Variants in PSEN2 observed in about 807,000 individuals in gnomAD.
PSEN2 encodes the protein presenilin-2.
PSEN2 carries 32 observed loss-of-function variants against 49.1 expected under a neutral mutation model. That is an observed-to-expected ratio of 0.65 (90% CI 0.49 to 0.88). The LOEUF (loss-of-function observed/expected upper bound fraction) is 0.88, where lower values mean the gene tolerates loss of function less well. Ranked by LOEUF, PSEN2 falls within the 40% of genes least tolerant of loss-of-function variation. The probability of loss-of-function intolerance (pLI) is 0.00; values close to 1 mark genes in which losing one functional copy is unlikely to be tolerated. For missense variants in PSEN2, 522 were observed against 586.9 expected (o/e 0.89, Z 1.14); for synonymous variants, 255 against 244.0 (o/e 1.05, Z -0.42).
rs1661537968 is a variant in PSEN2, at chr1:226,888,769, A to G, written c.567-60A>G. On this transcript the variant is annotated intron_variant, in intron 7 of 12. Coordinates refer to ENST00000366783, the MANE Select transcript of PSEN2 (RefSeq NM_000447.3). ...CCAGGTTGGGACTGAATGGTGGTAA[A>G]CTGCTAGGCTGTAATGCCTCCACTG... 4 of 1,460,004 alleles carry G rather than the reference A, an allele frequency of 2.7e-6. No individual in the cohort carries two copies. In the South Asian group the frequency reaches 3.4e-5, roughly 12 times the overall value. The allele number at this position is 1,460,004 out of a possible 1,614,324, so 90.4% of individuals were successfully genotyped here. A position where few individuals can be genotyped will look rare whatever the true frequency, so the allele number is the denominator to read the frequency against.
At chr1:226,892,477 G>A (rs1200440417) in intron 11 of PSEN2, among the ~76,000 whole-genome samples, 1 of 152,190 alleles carries the variant, frequency 6.6e-6, no homozygotes, top group Non-Finnish European at 1.5e-5. Context: ...CCCAATGCCA[G>A]CCCACTGCTG....
At chr1:226,881,597 T>C (rs960608733) in intron 3 of PSEN2, among the ~76,000 whole-genome samples, 2 of 152,226 alleles carry the variant, frequency 1.3e-5, no homozygotes, top group African/African-American at 4.8e-5. Context: ...GCTGATTGAA[T>C]GAATGAGCAC....
chr1:226,891,110 T>A, intron 9 of PSEN2, 168 bp from the exon 10 acceptor site: 1 of 656,746 alleles, frequency 1.5e-6, no homozygotes, highest in Non-Finnish European at 2.8e-6. Flanking sequence ...AGAGAGTGAC[T>A]CTGGACCCCT....
downstream of PSEN2, among the ~76,000 whole-genome samples, chr1:226,900,437 A>T (rs577528210): frequency 6.6e-6 from 1 of 152,310 alleles, no homozygotes; most frequent in Admixed American, 6.5e-5. Flanking sequence ...AAACTATGCA[A>T]AGTAGAAGCA....
At chr1:226,874,818 G>A (rs924394503) in intron 2 of PSEN2, among the ~76,000 whole-genome samples, 26 of 152,236 alleles carry the variant, frequency 1.7e-4, no homozygotes, top group African/African-American at 6.0e-4. Flanking sequence ...TGGCCAGGGA[G>A]TATGTGGTTC....
chr1:226,895,374 C>T lies in PSEN2; in HGVS notation c.1192-50C>T, dbSNP rs1474185097. ...GGGACTAGACCATGACTCACAGCTC[C>T]TGTCCACACCAGGGATCACCACGCT... On this transcript the variant is annotated intron_variant, in intron 12 of 12. Coordinates refer to ENST00000366783, the MANE Select transcript of PSEN2 (RefSeq NM_000447.3). The T allele has an allele frequency of 1.9e-6, 3 of 1,608,774 alleles. No individual in the cohort carries two copies. In the African/African-American group the frequency reaches 4.0e-5, roughly 22 times the overall value.
intron 3 of PSEN2, among the ~76,000 whole-genome samples, chr1:226,878,516 T>C (rs1054006155): frequency 2.6e-5 from 4 of 152,202 alleles, no homozygotes; most frequent in African/African-American, 9.7e-5. Flanking sequence ...TGCTTATCCA[T>C]TTTTGTTGTG....
At chr1:226,889,844 C>G (rs1661620556) in intron 8 of PSEN2, among the ~76,000 whole-genome samples, 191 bp from the exon 9 acceptor site, 2 of 152,232 alleles carry the variant, frequency 1.3e-5, no homozygotes, top group Non-Finnish European at 2.9e-5. Flanking sequence ...CTTGCAGTTG[C>G]CTGCGAGGCC....
intron 4 of PSEN2, among the ~76,000 whole-genome samples, chr1:226,883,342 C>T (rs981111060): frequency 2.0e-5 from 3 of 152,210 alleles, no homozygotes; most frequent in African/African-American, 4.8e-5. Context: ...TATCTCCTGG[C>T]CTGTTTCCTC....
chr1:226,881,886 A>G lies in PSEN2; in HGVS notation c.-20-2A>G. On this transcript the variant is annotated splice_acceptor_variant, in intron 3 of 12. Transcript: ENST00000366783. LOFTEE classifies it low-confidence loss of function (5UTR_SPLICE). ...ACAAGGTCCTTGTGCTCCTTTTTCC[A>G]GGTGCTTCCAGAGGCAGGGCTATGC... is the stretch of plus-strand genomic sequence containing the variant. 6.2e-7 allele frequency: 1 copy of G among 1,614,204 alleles called. No homozygotes were observed.
rs1489173365 is a variant in PSEN2, at chr1:226,895,783, C to T, written c.*204C>T. The stretch of plus-strand genomic sequence containing the variant: ...AGACTTTGGCTCCCGCTTTGGGGAG[C>T]GCCTCGCTTCACGGACAGGAAGCAC... On this transcript the variant is annotated 3_prime_UTR_variant, in exon 13 of 13. Transcript: ENST00000366783. 9 of 629,140 alleles carry T rather than the reference C, an allele frequency of 1.4e-5. No homozygotes were observed. Among genetic ancestry groups the T allele is most frequent in the South Asian group, 5.9e-5 (3 of 50,792 alleles). 39.0% of individuals were successfully genotyped at this position (629,140 alleles called of 1,614,324 possible).
chr1:226,871,769 T>C (rs554196312), intron 2 of PSEN2, among the ~76,000 whole-genome samples: 1 of 152,340 alleles, frequency 6.6e-6, no homozygotes, highest in African/African-American at 2.4e-5. Flanking sequence ...TGGCGGTAAT[T>C]GGAGTCTCGG....
rs1424371036 is a variant in PSEN2 at position 226,894,103 on chromosome 1, C to T, written c.1169C>T (p.Ala390Val). The change falls in exon 12 of 13, where the codon GCC (alanine) becomes GTC (valine). Residue 390 changes from alanine to valine, a missense_variant. Ala to Val is a moderately conservative substitution (Grantham distance 64). Coordinates refer to ENST00000366783, the MANE Select transcript of PSEN2 (RefSeq NM_000447.3). ...AGCGGGGACTGGAATACCACGCTGG[C>T]CTGCTTCGTGGCCATCCTCATTGTG... Reference protein sequence around the residue: ...TGSGDWNTTLACFVAILIGLC... With the variant: ...TGSGDWNTTLVCFVAILIGLC... 4 of 1,614,000 alleles carry T rather than the reference C, an allele frequency of 2.5e-6. No homozygotes were observed. In the East Asian group the frequency reaches 6.7e-5, roughly 27 times the overall value.
downstream of PSEN2, among the ~76,000 whole-genome samples, chr1:226,897,257 A>G (rs1050348769): frequency 6.6e-6 from 1 of 152,236 alleles, no homozygotes; most frequent in Non-Finnish European, 1.5e-5. Flanking sequence ...TTATCTTCAG[A>G]AGAGCAGTTT....
chr1:226,871,926 G>A (rs1370100295), intron 2 of PSEN2, among the ~76,000 whole-genome samples: 1 of 152,256 alleles, frequency 6.6e-6, no homozygotes, highest in African/African-American at 2.4e-5. Context: ...TTGAGCCTTG[G>A]GTTCCAGGGC....
chr1:226,896,391 A>G (rs576260882), downstream of PSEN2, among the ~76,000 whole-genome samples: 3 of 152,310 alleles, frequency 2.0e-5, no homozygotes, highest in South Asian at 6.2e-4. Flanking sequence ...GTGGTTGCCA[A>G]AACATCCAGT....
At chr1:226,882,381 A>G (rs1333911479) in intron 4 of PSEN2, among the ~76,000 whole-genome samples, 1 of 152,220 alleles carries the variant, frequency 6.6e-6, no homozygotes, top group East Asian at 1.9e-4. Context: ...GTAACACAGA[A>G]GCTTAGGATG....
chr1:226,900,845 TG>T (rs1241452273), downstream of PSEN2, among the ~76,000 whole-genome samples: 1 of 152,130 alleles, frequency 6.6e-6, no homozygotes, highest in Non-Finnish European at 1.5e-5. Flanking sequence ...AGAGTAACAG[TG>T]ACAGTAGCAA....
chr1:226,888,918 T>C lies in PSEN2; in HGVS notation c.656T>C (p.Ile219Thr), dbSNP rs1661549738. Residue 219 changes from isoleucine (I) to threonine (T), a missense_variant, in exon 8 of 13, where the codon ATC becomes ACC. Transcript: ENST00000366783. ...WNFGAVGMVC[I>T]HWKGPLVLQQ... Reference sequence around the variant, plus strand: ...TTCGGGGCAGTGGGCATGGTGTGCATCCACTGGAAGGGCCCTCTGGTGCTG... The same window carrying C: ...TTCGGGGCAGTGGGCATGGTGTGCACCCACTGGAAGGGCCCTCTGGTGCTG... 1.2e-6 allele frequency: 2 copies of C among 1,614,140 alleles called. No individual in the cohort carries two copies. The highest frequency in any genetic ancestry group is 2.2e-5 in the South Asian group (2 of 91,082).
Sources: allele counts gnomAD v4.1 joint callset (sites outside exome capture counted in the v4.1 genomes callset), GRCh38; gene constraint gnomAD v4.1.1; transcripts MANE v1.5; gene names NCBI Gene and HGNC (gene_info 2026-07-23, HGNC 2026-07-21).